The following SF3B1 variants were observed in gnomAD, a reference collection of about 807,000 sequenced individuals.
The protein encoded by SF3B1 is pre-mRNA processing 10.
Under a neutral mutation model 153.8 loss-of-function variants are expected in SF3B1, and 12 were observed. The observed-to-expected ratio is 0.08, with a 90% CI of 0.05 to 0.13. The LOEUF (loss-of-function observed/expected upper bound fraction) is 0.13, where lower values mean the gene tolerates loss of function less well. Ranked by LOEUF, SF3B1 falls within the 10% of genes least tolerant of loss-of-function variation. The pLI is 1.00. For synonymous variants in SF3B1, 498 were observed against 525.2 expected, an observed-to-expected ratio of 0.95 and a Z score of 0.71; for missense variants, 513 against 1,606.1, an observed-to-expected ratio of 0.32 and a Z score of 11.63.
At chr2:197,396,022 A>T (rs2084871417) in intron 23 of SF3B1, 34 bp downstream of exon 23, 1 of 1,525,096 alleles carries the variant, frequency 6.6e-7, no homozygotes, top group Non-Finnish European at 9.0e-7. Flanking sequence ...GAAGAGTTAT[A>T]ATTATTTTCT....
intron 1 of SF3B1, among the ~76,000 whole-genome samples, chr2:197,430,041 A>G (rs1387418579): frequency 1.3e-5 from 2 of 152,198 alleles, no homozygotes; most frequent in Non-Finnish European, 2.9e-5. Context: ...AAAGAAAGAG[A>G]CAGGAGGAAC....
At chr2:197,413,297 A>C (rs112540203) in intron 6 of SF3B1, among the ~76,000 whole-genome samples, 1 of 152,206 alleles carries the variant, frequency 6.6e-6, no homozygotes, top group South Asian at 2.1e-4. Flanking sequence ...GCTACTTGGG[A>C]GGCTGAGGCA....
chr2:197,401,570 T>C lies in SF3B1; in HGVS notation c.2371-45A>G, dbSNP rs775287677. 2 of 1,570,268 alleles carry C rather than the reference T, an allele frequency of 1.3e-6. No individual in the cohort carries two copies. The highest frequency in any genetic ancestry group is 3.6e-5 in the Admixed American group (2 of 56,120). ...TAATAATAAATCAACTGACCTGAAA[T>C]GAAGAGAATACTCATTGCTGATTAC... On this transcript the variant is annotated intron_variant, in intron 16 of 24. Transcript: ENST00000335508. The surrounding 1 kb of genome is among the most constrained non-coding windows in gnomAD (Gnocchi z 4.2).
Position 197,398,011 on chromosome 2 carries a change from T to C in SF3B1, c.3240A>G (p.Thr1080=). The C allele has an allele frequency of 1.9e-6, 3 of 1,613,636 alleles. No individual in the cohort carries two copies. The highest frequency in any genetic ancestry group is 2.5e-6 in the Non-Finnish European group (3 of 1,179,692). The change falls in exon 22 of 25, where the codon ACA becomes ACG. Residue 1080 remains threonine (T), a synonymous_variant. Coordinates refer to ENST00000335508, the MANE Select transcript of SF3B1 (RefSeq NM_012433.4). ...KKAIRRATVN[T]FGYIAKAIGP... ...CAATGGCCTTTGCAATATAACCAAA[T>C]GTGTTGACTGTGGCTCTACGAATAG...
At chr2:197,424,388 G>GT (rs1025384308) in intron 1 of SF3B1, among the ~76,000 whole-genome samples, 1 of 151,468 alleles carries the variant, frequency 6.6e-6, no homozygotes, top group African/African-American at 2.4e-5. Flanking sequence ...GTAGTCCCAG[G>GT]TATTTGGGAA....
Position 197,393,118 on chromosome 2 carries a change from A to T in SF3B1, c.3610T>A (p.Cys1204Ser). 6.2e-7 allele frequency: 1 copy of T among 1,614,080 alleles called. No homozygotes were observed. The highest frequency in any genetic ancestry group is 8.5e-7 in the Non-Finnish European group (1 of 1,179,948). Residue 1204 changes from cysteine (C) to serine (S), a missense_variant, in exon 24 of 25, where the codon TGT becomes AGT. Physicochemically the swap from Cys to Ser is moderately radical, Grantham distance 112. Coordinates refer to ENST00000335508, the MANE Select transcript of SF3B1 (RefSeq NM_012433.4). Reference protein sequence around the residue: ...HMSLGVYGFGCEDSLNHLLNY... With the variant: ...HMSLGVYGFGSEDSLNHLLNY... ...AACAAGTGATTCAGCGAATCTTCACAACCAAATCCATAAACCCCAAGTGAC... is the reference window on the plus strand; with the variant it reads ...AACAAGTGATTCAGCGAATCTTCACTACCAAATCCATAAACCCCAAGTGAC...
chr2:197,395,998 G>T, intron 23 of SF3B1, 58 bp downstream of exon 23: 1 of 1,434,634 alleles, frequency 7.0e-7, no homozygotes, highest in Non-Finnish European at 9.5e-7. Flanking sequence ...ATTTCACGAT[G>T]TTCTAAAATG....
intron 9 of SF3B1, among the ~76,000 whole-genome samples, chr2:197,406,537 T>TCTA (rs1055054531): frequency 5.9e-5 from 9 of 152,094 alleles, no homozygotes; most frequent in African/African-American, 1.7e-4. Context: ...GATTTAAAGG[T>TCTA]CTACTATATT....
chr2:197,418,755 C>G (rs779042858), intron 4 of SF3B1, 167 bp from the exon 5 acceptor site: 286 of 1,455,706 alleles, frequency 2.0e-4, no homozygotes, highest in Non-Finnish European at 1.4e-4. Context: ...ATTGAGTTTG[C>G]TGATCAATTT....
chr2:197,396,677 T>A (rs1161800735), intron 22 of SF3B1, among the ~76,000 whole-genome samples: 1 of 152,218 alleles, frequency 6.6e-6, no homozygotes, highest in Admixed American at 6.5e-5. Flanking sequence ...ATTCTCTGAG[T>A]TGTCAAAATG....
At position 197,401,378 on chromosome 2, in the gene SF3B1, T is replaced by C; in HGVS notation, c.2496+22A>G. ...TGAGTTGAAAGGACTTTTGAGAATA[T>C]TCTTTTACAATAAAAGCTTACCTGT... is the stretch of plus-strand genomic sequence containing the variant. On this transcript the variant is annotated intron_variant, in intron 17 of 24. Coordinates refer to ENST00000335508, the MANE Select transcript of SF3B1 (RefSeq NM_012433.4). This position sits in a 1 kb window ranked among gnomAD's most constrained non-coding sequence, Gnocchi z 4.2. 6.3e-7 allele frequency: 1 copy of C among 1,580,916 alleles called. No individual in the cohort carries two copies. Among genetic ancestry groups the C allele is most frequent in the Non-Finnish European group, 8.5e-7 (1 of 1,170,224 alleles).
Position 197,407,045 on chromosome 2 carries a change from G to A in SF3B1, c.1239+953C>T, listed in dbSNP as rs182446168. ...CAAGGCTGCAGTGAGCTATGTCAGCGCCACTGCTCTCCAGTACGGGCAACA... is the reference window on the plus strand; with the variant it reads ...CAAGGCTGCAGTGAGCTATGTCAGCACCACTGCTCTCCAGTACGGGCAACA... On this transcript the variant is annotated intron_variant, in intron 9 of 24. Coordinates refer to ENST00000335508, the MANE Select transcript of SF3B1 (RefSeq NM_012433.4). Among the ~76,000 whole-genome samples the A allele has an allele frequency of 7.2e-5, 11 of 152,082 alleles. 1 individual carries two copies. Among genetic ancestry groups the A allele is most frequent in the Admixed American group, 2.6e-4 (4 of 15,266 alleles).
intron 1 of SF3B1, among the ~76,000 whole-genome samples, chr2:197,427,723 C>T (rs772303843): frequency 1.3e-5 from 2 of 152,132 alleles, no homozygotes; most frequent in Non-Finnish European, 2.9e-5. Context: ...TAAAATATTT[C>T]ATAAAAGGTA....
chr2:197,409,821 T>A lies in SF3B1; in HGVS notation c.853A>T (p.Thr285Ser), dbSNP rs1223125090. 6.2e-7 allele frequency: 1 copy of A among 1,614,112 alleles called. No homozygotes were observed. Among genetic ancestry groups the A allele is most frequent in the Non-Finnish European group, 8.5e-7 (1 of 1,179,978 alleles). The change falls in exon 7 of 25, where the codon ACT becomes TCT. Residue 285 changes from threonine (T) to serine (S), a missense_variant. Physicochemically the swap from Thr to Ser is moderately conservative, Grantham distance 58. Transcript: ENST00000335508. ...CATCTGTTTTTACGAGCACTGGAAG[T>A]TGCGCCTCCATGGCCTGGTGTCGCA... ...GHATPGHGGA[T>S]SSARKNRWDE... is the part of the protein sequence containing the mutation.
intron 23 of SF3B1, 68 bp from the exon 24 acceptor site, chr2:197,393,256 A>G (rs1270294693): frequency 2.0e-6 from 2 of 991,270 alleles, no homozygotes; most frequent in African/African-American, 3.2e-5. Flanking sequence ...ATCCTTAAAG[A>G]TACAGTCTTA....
rs1488735164 is a variant in SF3B1 at position 197,418,578 on chromosome 2, G to A, written c.426C>T (p.Thr142=). ...TCCTAGCATTCATTTTAGGATCAGG[G>A]GTTTTCCCTCCTGCAGAAAAGAACA... The part of the protein sequence containing the change: ...RLDPFADGGK[T]PDPKMNARTY... Residue 142 remains threonine (T), a synonymous_variant, in exon 5 of 25, where the codon ACC becomes ACT. Transcript: ENST00000335508. 8 of 1,611,438 alleles carry A rather than the reference G, an allele frequency of 5.0e-6. No individual in the cohort carries two copies. The highest frequency in any genetic ancestry group is 6.8e-6 in the Non-Finnish European group (8 of 1,178,652).
At position 197,416,848 on chromosome 2, in the gene SF3B1, C is replaced by T. The variant is rs1014653152; in HGVS notation, c.559G>A (p.Ala187Thr). 6.2e-7 allele frequency: 1 copy of T among 1,614,140 alleles called. No individual in the cohort carries two copies. The highest frequency in any genetic ancestry group is 8.5e-7 in the Non-Finnish European group (1 of 1,179,984). ...KAGELKVVNG[A>T]AASQPPSKRK... The stretch of plus-strand genomic sequence containing the variant: ...TTTGATGGAGGCTGGGACGCTGCTG[C>T]TCCATTGACGACTTTTAGTTCTCCA... The change falls in exon 6 of 25, where the codon GCA (alanine) becomes ACA (threonine). Residue 187 changes from alanine to threonine, a missense_variant. This residue lies in a region of SF3B1 where 45 missense variants were observed against 65.5 expected (regional missense o/e 0.69). Transcript: ENST00000335508.
rs2084929380 is a variant in SF3B1, at chr2:197,400,677, TAA to T, written c.2718+36_2718+37del. 1 of 1,420,614 alleles carries T rather than the reference TAA, an allele frequency of 7.0e-7. No individual in the cohort carries two copies. Among genetic ancestry groups the T allele is most frequent in the African/African-American group, 1.4e-5 (1 of 69,804 alleles). The allele number at this position is 1,420,614 out of a possible 1,614,324, so 88.0% of individuals were successfully genotyped here. A position where few individuals can be genotyped will look rare whatever the true frequency, so the allele number is the denominator to read the frequency against. On this transcript the variant is annotated intron_variant, in intron 18 of 24. Transcript: ENST00000335508. The surrounding 1 kb of genome is among the most constrained non-coding windows in gnomAD (Gnocchi z 5.0). ...AACTAATATGCTTTTCTACAAATAT[TAA>T]AGTTAGTAGCAATGTGCCATAATAG...
At position 197,400,197 on chromosome 2, in the gene SF3B1, A is replaced by G. The variant is rs1472751312; in HGVS notation, c.2902-31T>C. 1 of 1,606,556 alleles carries G rather than the reference A, an allele frequency of 6.2e-7. No individual in the cohort carries two copies. Among genetic ancestry groups the G allele is most frequent in the Admixed American group, 1.7e-5 (1 of 59,964 alleles). ...ATAAAACAAATAATGTTAAAATGTTACTATTTACATTAAACTATTTGGGGA... is the reference window on the plus strand; with the variant it reads ...ATAAAACAAATAATGTTAAAATGTTGCTATTTACATTAAACTATTTGGGGA... On this transcript the variant is annotated intron_variant, in intron 19 of 24. Transcript: ENST00000335508. This position sits in a 1 kb window ranked among gnomAD's most constrained non-coding sequence, Gnocchi z 5.0.
Sources: allele counts gnomAD v4.1 joint callset (sites outside exome capture counted in the v4.1 genomes callset), GRCh38; gene constraint gnomAD v4.1.1; regional missense constraint gnomAD v4.1.1; non-coding constraint Gnocchi (gnomAD v3.1); transcripts MANE v1.5; gene names NCBI Gene and HGNC (gene_info 2026-07-23, HGNC 2026-07-21).